Variants in LSAMP observed in about 807,000 individuals in gnomAD.
The protein encoded by LSAMP is limbic system-associated membrane protein.
Under a neutral mutation model 38.6 loss-of-function variants are expected in LSAMP, and 7 were observed. The ratio of observed to expected loss-of-function variants is 0.18; its 90% CI spans 0.10 to 0.34. The LOEUF (loss-of-function observed/expected upper bound fraction) is 0.34, where lower values mean the gene tolerates loss of function less well. Among genes scored for constraint, LSAMP ranks in the 10% least tolerant of loss-of-function variants. The probability of loss-of-function intolerance (pLI) is 1.00; values close to 1 mark genes in which losing one functional copy is unlikely to be tolerated. For synonymous variants in LSAMP, 154 were observed against 166.8 expected (o/e 0.92, Z 0.59); for missense variants, 313 against 420.0 (o/e 0.75, Z 2.23).
chr3:115,865,392 T>G (rs1935828043), intron 3 of LSAMP, among the ~76,000 whole-genome samples: 1 of 152,214 alleles, frequency 6.6e-6, no homozygotes, highest in Admixed American at 6.6e-5. Flanking sequence ...AAAAGGATTC[T>G]TTAGTTTCCA....
intron 1 of LSAMP, 31 bp downstream of exon 1, chr3:116,444,846 G>C (rs200694722): frequency 1.9e-6 from 3 of 1,613,056 alleles, no homozygotes; most frequent in Admixed American, 3.3e-5. Flanking sequence ...GTGTAGACGC[G>C]CGCAGCAGAA....
rs185398678 is a variant in LSAMP, at chr3:116,242,394, C to T, written c.156-155838G>A. Among the ~76,000 whole-genome samples the T allele has an allele frequency of 1.7e-3, 262 of 152,206 alleles. 2 individuals carry two copies. The highest frequency in any genetic ancestry group is 5.6e-3 in the South Asian group (27 of 4,820). On this transcript the variant is annotated intron_variant, in intron 1 of 6. Transcript: ENST00000490035. ...GCAGGTTGATGGTGGGGGAAGGAAACGGCTGGTCACGAACTGAAATTTAAA... is the reference window on the plus strand; with the variant it reads ...GCAGGTTGATGGTGGGGGAAGGAAATGGCTGGTCACGAACTGAAATTTAAA...
At chr3:116,080,255 ATC>A (rs1707843009) in intron 2 of LSAMP, among the ~76,000 whole-genome samples, 1 of 152,154 alleles carries the variant, frequency 6.6e-6, no homozygotes, top group South Asian at 2.1e-4. Flanking sequence ...ATATTAGTTA[ATC>A]TCTGTCTTCA....
At chr3:116,181,385 C>T (rs1293646520) in intron 1 of LSAMP, among the ~76,000 whole-genome samples, 2 of 151,978 alleles carry the variant, frequency 1.3e-5, no homozygotes, top group Non-Finnish European at 2.9e-5. Context: ...TAATTCAACA[C>T]ATAATTCCTC....
At chr3:115,836,896 T>C (rs912692760) in intron 6 of LSAMP, among the ~76,000 whole-genome samples, 4 of 152,186 alleles carry the variant, frequency 2.6e-5, no homozygotes, top group African/African-American at 9.7e-5. Flanking sequence ...TCCTCCCACT[T>C]CAGCCTCCTG....
chr3:116,421,703 G>A (rs2049129867), intron 1 of LSAMP, among the ~76,000 whole-genome samples: 1 of 152,098 alleles, frequency 6.6e-6, no homozygotes, highest in African/African-American at 2.4e-5. Flanking sequence ...TAGGTATTAG[G>A]TAAGTAAATA....
intron 1 of LSAMP, among the ~76,000 whole-genome samples, chr3:116,405,961 C>T (rs959371512): frequency 9.2e-5 from 14 of 152,130 alleles, no homozygotes; most frequent in African/African-American, 3.4e-4. Context: ...AGAAAATTAT[C>T]TGGACTCTCA....
chr3:116,368,531 A>T (rs1559843999), intron 1 of LSAMP, among the ~76,000 whole-genome samples: 1 of 152,236 alleles, frequency 6.6e-6, no homozygotes, highest in Non-Finnish European at 1.5e-5. Flanking sequence ...TTTATGTAGT[A>T]AAATATTCAC....
chr3:115,981,841 T>G (rs772573244), intron 3 of LSAMP, among the ~76,000 whole-genome samples: 2 of 152,204 alleles, frequency 1.3e-5, no homozygotes, highest in African/African-American at 2.4e-5. Flanking sequence ...AATTACATTA[T>G]TCTTTTTATG....
chr3:116,250,335 C>G (rs1003379032), intron 1 of LSAMP, among the ~76,000 whole-genome samples: 2 of 152,122 alleles, frequency 1.3e-5, no homozygotes, highest in African/African-American at 4.8e-5. Flanking sequence ...GACTTTCTAT[C>G]TACTCTAAAA....
intron 2 of LSAMP, among the ~76,000 whole-genome samples, chr3:116,036,096 A>G (rs2107710649): frequency 6.6e-6 from 1 of 152,344 alleles, no homozygotes; most frequent in African/African-American, 2.4e-5. Flanking sequence ...ATGAGAACTC[A>G]GTAGTATCTG....
intron 3 of LSAMP, among the ~76,000 whole-genome samples, chr3:116,017,396 C>T (rs971373417): frequency 6.6e-6 from 1 of 152,058 alleles, no homozygotes; most frequent in Non-Finnish European, 1.5e-5. Context: ...TTATCTACCA[C>T]CTTGTTCCAC....
chr3:116,062,318 G>T (rs137918425), intron 2 of LSAMP, among the ~76,000 whole-genome samples: 2,479 of 152,212 alleles, frequency 0.016, 59 homozygotes, highest in African/African-American at 0.055. Flanking sequence ...AGACCAGCTT[G>T]GCCAACATGG....
chr3:116,295,174 G>A (rs1422189575), intron 1 of LSAMP, among the ~76,000 whole-genome samples: 1 of 152,194 alleles, frequency 6.6e-6, no homozygotes. Context: ...TTGGCATTGT[G>A]TATTTACCCT....
rs141846360 is a variant in LSAMP, at chr3:116,388,438, G to C, written c.155+56439C>G. 4.5e-3 allele frequency among the ~76,000 whole-genome samples: 688 copies of C among 152,170 alleles called. 9 individuals are homozygous for C. Among genetic ancestry groups the C allele is most frequent in the African/African-American group, 0.016 (654 of 41,502 alleles). On this transcript the variant is annotated intron_variant, in intron 1 of 6. Transcript: ENST00000490035. ...TATCACTCAAAGGCACATTACTCTG[G>C]AATTGACTGGATCTAACTAAAGGAC...
At chr3:116,444,791 C>G (rs879182007) in intron 1 of LSAMP, 86 bp downstream of exon 1, 34 of 875,680 alleles carry the variant, frequency 3.9e-5, no homozygotes, top group African/African-American at 9.5e-5. Context: ...AGATCAGACA[C>G]ACACACACAC....
intron 1 of LSAMP, among the ~76,000 whole-genome samples, chr3:116,272,734 A>C (rs919839249): frequency 6.6e-5 from 10 of 152,160 alleles, no homozygotes; most frequent in African/African-American, 2.4e-4. Flanking sequence ...CAGGATACAC[A>C]AATAATGTCC....
chr3:115,907,933 A>G (rs6438284), intron 3 of LSAMP, among the ~76,000 whole-genome samples: 8,304 of 152,132 alleles, frequency 0.055, 766 homozygotes, highest in African/African-American at 0.19. Context: ...CAAATGGGCA[A>G]CATAGCCCCA....
intron 3 of LSAMP, among the ~76,000 whole-genome samples, chr3:115,938,908 G>A (rs567275438): frequency 1.2e-4 from 18 of 152,072 alleles, no homozygotes; most frequent in Non-Finnish European, 2.4e-4. Flanking sequence ...ATTTTTTGTT[G>A]AATCCCTAGC....
Sources: gnomAD v4.1 joint callset for allele counts (sites outside exome capture counted in the v4.1 genomes callset) on GRCh38, gnomAD v4.1.1 for gene constraint, MANE v1.5 for transcripts, NCBI Gene and HGNC (gene_info 2026-07-23, HGNC 2026-07-21) for gene names.